Variants in NLRC5 observed in about 807,000 individuals in gnomAD.
The protein encoded by NLRC5 is protein NLRC5.
A neutral mutation model predicts 206.9 loss-of-function variants in NLRC5; 114 were observed. The ratio of observed to expected loss-of-function variants is 0.55; its 90% CI spans 0.47 to 0.64. The LOEUF is 0.64. Ranked by LOEUF, NLRC5 falls within the 30% of genes least tolerant of loss-of-function variation. NLRC5 has a pLI of 0.00. For synonymous variants in NLRC5, 952 were observed against 962.8 expected, an observed-to-expected ratio of 0.99 and a Z score of 0.21; for missense variants, 2,008 against 2,305.5, an observed-to-expected ratio of 0.87 and a Z score of 2.64.
chr16:57,059,495 C>G lies in NLRC5; in HGVS notation c.3949C>G (p.His1317Asp), dbSNP rs2066133564. 1 of 1,611,804 alleles carries G rather than the reference C, an allele frequency of 6.2e-7. No individual in the cohort carries two copies. Among genetic ancestry groups the G allele is most frequent in the African/African-American group, 1.3e-5 (1 of 74,862 alleles). Residue 1317 changes from histidine (H) to aspartate (D), a missense_variant, in exon 30 of 49, where the codon CAC (histidine) becomes GAC (aspartate). Transcript: ENST00000688547. ...GGGCTCTGAGCAGAGCTTCCGGATT[C>G]ACTTCTCCAGAGAGGACCAGGCTGG... ...NLGSEQSFRI[H>D]FSREDQAGKT... is the part of the protein sequence containing the mutation.
Position 57,078,037 on chromosome 16 carries a change from C to T in NLRC5, c.5081+17C>T, listed in dbSNP as rs770015022. The T allele has an allele frequency of 5.0e-5, 79 of 1,573,240 alleles. No homozygotes were observed. The highest frequency in any genetic ancestry group is 6.7e-5 in the Non-Finnish European group (77 of 1,153,694). On this transcript the variant is annotated intron_variant, in intron 43 of 48. Coordinates refer to ENST00000688547, the MANE Select transcript of NLRC5 (RefSeq NM_001384950.1). Reference sequence around the variant, plus strand: ...GGTCCTACAGTGAGTGGCCCCCTGCCCATACCATGCAGGGCTGGTGGGGAG... The same window carrying T: ...GGTCCTACAGTGAGTGGCCCCCTGCTCATACCATGCAGGGCTGGTGGGGAG...
In NLRC5 at chr16:57,030,009, G is replaced by T; in HGVS notation, c.2342G>T (p.Ser781Ile). 6.2e-7 allele frequency: 1 copy of T among 1,614,134 alleles called. No individual in the cohort carries two copies. Among genetic ancestry groups the T allele is most frequent in the Non-Finnish European group, 8.5e-7 (1 of 1,180,016 alleles). ...RLRKLDLSSN[S>I]ICVSTLLCLA... ...CAATCTTGCAGCCTGAGCAGCAACAGCATCTGCGTGTCAACCCTACTCTGC... is the reference window on the plus strand; with the variant it reads ...CAATCTTGCAGCCTGAGCAGCAACATCATCTGCGTGTCAACCCTACTCTGC... The change falls in exon 10 of 49, where the codon AGC becomes ATC. Residue 781 changes from serine to isoleucine, a missense_variant. Transcript: ENST00000688547.
At chr16:57,054,931 A>G (rs2065408730) in intron 25 of NLRC5, 91 bp downstream of exon 25, 2 of 1,577,126 alleles carry the variant, frequency 1.3e-6, no homozygotes, top group African/African-American at 2.7e-5. Flanking sequence ...AGACAGTAGG[A>G]CCCAACTAGA....
intron 38 of NLRC5, chr16:57,074,177 G>A (rs2068089186): frequency 6.2e-6 from 1 of 161,516 alleles, no homozygotes; most frequent in Non-Finnish European, 1.4e-5. Context: ...TATAGTTTTT[G>A]GTTCTGTTCC....
chr16:57,030,426 GGGTGGATGAAAA>G (rs1567564030), intron 10 of NLRC5, among the ~76,000 whole-genome samples: 4 of 128,008 alleles, frequency 3.1e-5, no homozygotes, highest in Admixed American at 2.4e-4. Flanking sequence ...AAAGATGGAT[GGGTGGATGAAAA>G]GATGGATGGA....
chr16:57,082,417 C>G lies in NLRC5; in HGVS notation c.5490C>G (p.Arg1830=). 1 of 1,608,476 alleles carries G rather than the reference C, an allele frequency of 6.2e-7. No individual in the cohort carries two copies. The highest frequency in any genetic ancestry group is 8.5e-7 in the Non-Finnish European group (1 of 1,175,878). ...GAGTGCCTATATCTGTGCCCCACAG[C>G]CTCTGGAATAACCCCATTCCCTGCG... ...LAQGSSIQVI[R]LWNNPIPCDM... is the part of the protein sequence containing the mutation. Residue 1830 remains arginine, a splice_region_variant and synonymous_variant, in exon 49 of 49, where the codon CGC becomes CGG. Coordinates refer to ENST00000688547, the MANE Select transcript of NLRC5 (RefSeq NM_001384950.1).
At chr16:57,066,482 G>GC in intron 33 of NLRC5, 52 bp from the exon 34 acceptor site, 1 of 1,541,680 alleles carries the variant, frequency 6.5e-7, no homozygotes, top group South Asian at 1.1e-5. Context: ...TGCCAGCTAG[G>GC]CCCTCCGGGG....
chr16:57,066,424 G>C, intron 33 of NLRC5, 110 bp from the exon 34 acceptor site: 1 of 889,052 alleles, frequency 1.1e-6, no homozygotes, highest in Non-Finnish European at 1.8e-6. Context: ...AGGGGAGAAG[G>C]GGACCCAGGC....
chr16:57,067,328 C>A (rs2067181713), intron 34 of NLRC5, 59 bp from the exon 35 acceptor site: 1 of 1,389,740 alleles, frequency 7.2e-7, no homozygotes, highest in Non-Finnish European at 1.0e-6. Flanking sequence ...CAGGCAGATA[C>A]TGAATCCCAC....
rs141673616 is a variant in NLRC5, at chr16:57,066,581, G to T, written c.4289G>T (p.Arg1430Leu). 6 of 1,613,968 alleles carry T rather than the reference G, an allele frequency of 3.7e-6. No homozygotes were observed. Among genetic ancestry groups the T allele is most frequent in the Non-Finnish European group, 5.1e-6 (6 of 1,179,980 alleles). Residue 1430 changes from arginine (R) to leucine (L), a missense_variant, in exon 34 of 49, where the codon CGC becomes CTC. By Grantham distance (102) the Arg-to-Leu change is moderately radical. Transcript: ENST00000688547. The stretch of plus-strand genomic sequence containing the variant: ...CTCTGTGTCCAGCTGGAATTTCCTC[G>T]CCAGGAAGAGAATCCAGAAGCTGTG... ...QQLCVQLEFP[R>L]QEENPEAVAL...
In NLRC5 at chr16:57,047,596, T is replaced by C; in HGVS notation, c.3390T>C (p.Thr1130=). 1 of 1,613,524 alleles carries C rather than the reference T, an allele frequency of 6.2e-7. No individual in the cohort carries two copies. The highest frequency in any genetic ancestry group is 8.5e-7 in the Non-Finnish European group (1 of 1,179,800). Residue 1130 remains threonine (T), a synonymous_variant, in exon 23 of 49, where the codon ACT becomes ACC. Transcript: ENST00000688547. ...EPPSLTRLCA[T]LKDCPGPLEL... The stretch of plus-strand genomic sequence containing the variant: ...CAAGCCTCACCCGCCTCTGTGCCAC[T>C]CTGAAGGACTGCCCGGGACCCCTGG...
rs767419559 is a variant in NLRC5, at chr16:57,041,451, G to A, written c.2940-34G>A. The A allele has an allele frequency of 4.4e-6, 7 of 1,579,944 alleles. No homozygotes were observed. In the South Asian group the frequency reaches 6.7e-5, roughly 15 times the overall value. The stretch of plus-strand genomic sequence containing the variant: ...GGCTCCTTCCCGCCTCTGTTCAGTG[G>A]GGCATGCAGCACTGTGTTTTTGTCC... On this transcript the variant is annotated intron_variant, in intron 17 of 48. Coordinates refer to ENST00000688547, the MANE Select transcript of NLRC5 (RefSeq NM_001384950.1).
At chr16:57,049,618 C>A (rs1490464812) in intron 23 of NLRC5, among the ~76,000 whole-genome samples, 3 of 151,970 alleles carry the variant, frequency 2.0e-5, no homozygotes, top group Admixed American at 1.3e-4. Context: ...CCCCTGTAAT[C>A]CCAGCTACTC....
At position 57,046,637 on chromosome 16, in the gene NLRC5, C is replaced by A. The variant is rs200395535; in HGVS notation, c.3334C>A (p.Leu1112Ile). Reference sequence around the variant, plus strand: ...CCGTCAGCGCTGCATCCCCAGGAGCCTCTGGTACTGTCCCAGCCCTTCTTG... The same window carrying A: ...CCGTCAGCGCTGCATCCCCAGGAGCATCTGGTACTGTCCCAGCCCTTCTTG... ...GFRQRCIPRS[L>I]CLSECPLEPP... The change falls in exon 22 of 49, where the codon CTC becomes ATC. Residue 1112 changes from leucine (L) to isoleucine (I), a missense_variant. Transcript: ENST00000688547. 6.2e-7 allele frequency: 1 copy of A among 1,613,648 alleles called. No homozygotes were observed. Among genetic ancestry groups the A allele is most frequent in the Non-Finnish European group, 8.5e-7 (1 of 1,179,708 alleles).
chr16:57,022,883 A>G (rs932582462), intron 4 of NLRC5, among the ~76,000 whole-genome samples: 3 of 152,226 alleles, frequency 2.0e-5, no homozygotes, highest in Non-Finnish European at 1.5e-5. Flanking sequence ...GCCAACAGAA[A>G]ACCCACCCTA....
intron 30 of NLRC5, 118 bp downstream of exon 30, chr16:57,059,650 G>C: frequency 4.2e-6 from 4 of 950,968 alleles, no homozygotes; most frequent in Non-Finnish European, 6.0e-6. Context: ...GCAGCTTCAA[G>C]CTCACTGCCT....
At chr16:57,021,123 T>G in intron 3 of NLRC5, 116 bp downstream of exon 3, 1 of 883,464 alleles carries the variant, frequency 1.1e-6, no homozygotes, top group Non-Finnish European at 1.7e-6. Flanking sequence ...AGCCACGATC[T>G]CAACTCTATA....
chr16:57,014,637 G>A (rs965368684), intron 1 of NLRC5, among the ~76,000 whole-genome samples: 16 of 152,180 alleles, frequency 1.1e-4, no homozygotes, highest in Admixed American at 6.5e-5. Context: ...TTTTTTATCT[G>A]CCTGTTAACT....
chr16:57,069,527 A>G (rs974091184), intron 36 of NLRC5, among the ~76,000 whole-genome samples: 1 of 152,248 alleles, frequency 6.6e-6, no homozygotes, highest in Non-Finnish European at 1.5e-5. Flanking sequence ...TTTGCTTTAA[A>G]GATGCAGAGT....
Sources: allele counts gnomAD v4.1 joint callset (sites outside exome capture counted in the v4.1 genomes callset), GRCh38; gene constraint gnomAD v4.1.1; transcripts MANE v1.5; gene names NCBI Gene and HGNC (gene_info 2026-07-23, HGNC 2026-07-21).